The following PAK2 variants were observed in gnomAD, a reference collection of about 807,000 sequenced individuals.
PAK2 encodes the protein p21 (RAC1) activated kinase 2, also known as serine/threonine-protein kinase PAK 2.
A neutral mutation model predicts 65.9 loss-of-function variants in PAK2; 21 were observed. The observed-to-expected ratio is 0.32, with a 90% CI of 0.23 to 0.46. PAK2 has a LOEUF of 0.46. PAK2 is among the 20% of genes least tolerant of loss of function. PAK2 has a pLI of 1.00. For missense variants in PAK2, 324 were observed against 642.6 expected (o/e 0.50, Z 5.36); for synonymous variants, 204 against 219.7 (o/e 0.93, Z 0.63).
intron 1 of PAK2, among the ~76,000 whole-genome samples, chr3:196,780,039 C>A (rs917225378): frequency 2.6e-5 from 4 of 152,196 alleles, no homozygotes; most frequent in Admixed American, 2.0e-4. Context: ...CTGGTAGTAG[C>A]CCATACTTAG....
At chr3:196,751,667 T>TATATGTATATATATATATATATATATATA (rs1560089766) in intron 1 of PAK2, among the ~76,000 whole-genome samples, 1 of 45,108 alleles carries the variant, frequency 2.2e-5, no homozygotes, top group African/African-American at 1.0e-4. Context: ...ACAAATTTAT[T>TATATGTATATATATATATATATATATATA]TATATACATA....
intron 1 of PAK2, among the ~76,000 whole-genome samples, chr3:196,780,784 T>A (rs1714681834): frequency 6.6e-6 from 1 of 152,174 alleles, no homozygotes; most frequent in Non-Finnish European, 1.5e-5. Flanking sequence ...CAAATTTTTT[T>A]ATTTTATTTT....
intron 1 of PAK2, among the ~76,000 whole-genome samples, chr3:196,742,294 GT>G (rs60087238): frequency 0.019 from 2,829 of 152,144 alleles, 76 homozygotes; most frequent in African/African-American, 0.063. Context: ...CACCGTGTTG[GT>G]TAGGCTGGTC....
At chr3:196,750,289 C>T (rs1162222998) in intron 1 of PAK2, among the ~76,000 whole-genome samples, 1 of 152,104 alleles carries the variant, frequency 6.6e-6, no homozygotes, top group Admixed American at 6.5e-5. Context: ...CGTGCCTGGC[C>T]TATACCTGGC....
intron 1 of PAK2, among the ~76,000 whole-genome samples, chr3:196,770,348 A>G (rs929338327): frequency 6.6e-6 from 1 of 151,838 alleles, no homozygotes; most frequent in Non-Finnish European, 1.5e-5. Flanking sequence ...TATTAATAAT[A>G]TATATCAGAA....
intron 13 of PAK2, among the ~76,000 whole-genome samples, chr3:196,826,176 G>A (rs550692967): frequency 1.4e-4 from 21 of 149,892 alleles, no homozygotes; most frequent in Non-Finnish European, 2.1e-4. Context: ...TTGTTTGTTT[G>A]TTTGTTTATT....
chr3:196,815,873 A>G (rs574311999), intron 11 of PAK2, among the ~76,000 whole-genome samples: 147 of 152,210 alleles, frequency 9.7e-4, no homozygotes, highest in African/African-American at 3.4e-3. Flanking sequence ...TGCCTTCAGT[A>G]TCAATAAGTC....
chr3:196,759,538 G>T (rs1365637101), intron 1 of PAK2, among the ~76,000 whole-genome samples: 5 of 43,320 alleles, frequency 1.2e-4, no homozygotes, highest in South Asian at 1.8e-3. Context: ...TTTTTTTTTT[G>T]AGATAGAGTC....
At position 196,803,500 on chromosome 3, in the gene PAK2, C is replaced by T. The variant is rs144139777; in HGVS notation, c.436+336C>T. On this transcript the variant is annotated intron_variant, in intron 4 of 14. Transcript: ENST00000327134. ...GACTTCCAGCAATCAAAGGAAAAGA[C>T]GCTGGTTGATAGACATGTTCATACT... is the stretch of plus-strand genomic sequence containing the variant. 2.1e-3 allele frequency among the ~76,000 whole-genome samples: 320 copies of T among 152,162 alleles called. 1 individual carries two copies. Among genetic ancestry groups the T allele is most frequent in the African/African-American group, 7.1e-3 (294 of 41,520 alleles).
In PAK2 at chr3:196,806,667, G is replaced by T; in HGVS notation, c.557G>T (p.Arg186Leu). ...ACTGCTCCTCCCGTTATTGCCCCGC[G>T]ACCGGATCATACGAAATCAGTGAGT... ...EETAPPVIAP[R>L]PDHTKSIYTR... Residue 186 changes from arginine (R) to leucine (L), a missense_variant, in exon 6 of 15, where the codon CGA (arginine) becomes CTA (leucine). Transcript: ENST00000327134. 1 of 1,605,642 alleles carries T rather than the reference G, an allele frequency of 6.2e-7. No individual in the cohort carries two copies. The highest frequency in any genetic ancestry group is 1.1e-5 in the South Asian group (1 of 90,886).
At chr3:196,755,431 G>A (rs1200123918) in intron 1 of PAK2, among the ~76,000 whole-genome samples, 2 of 149,722 alleles carry the variant, frequency 1.3e-5, no homozygotes, top group Non-Finnish European at 3.0e-5. Flanking sequence ...CTAGACTTCA[G>A]AGTGTTTACG....
chr3:196,776,913 T>C lies in PAK2; in HGVS notation c.-21-5713T>C, dbSNP rs115223412. 4.0e-3 allele frequency among the ~76,000 whole-genome samples: 613 copies of C among 152,320 alleles called. 6 individuals carry two copies. The highest frequency in any genetic ancestry group is 0.014 in the African/African-American group (597 of 41,576). ...AAAATCCACAATTATGTGAAAGCTG[T>C]TAAAATGCTCCTCCGTTTTCAGGTG... On this transcript the variant is annotated intron_variant, in intron 1 of 14. Coordinates refer to ENST00000327134, the MANE Select transcript of PAK2 (RefSeq NM_002577.4).
At chr3:196,804,437 A>G (rs961814477) in intron 4 of PAK2, among the ~76,000 whole-genome samples, 18 of 151,740 alleles carry the variant, frequency 1.2e-4, no homozygotes, top group Non-Finnish European at 2.5e-4. Context: ...ACATACATAC[A>G]TATATGTGTG....
At chr3:196,773,910 C>T (rs895578955) in intron 1 of PAK2, among the ~76,000 whole-genome samples, 18 of 151,598 alleles carry the variant, frequency 1.2e-4, no homozygotes, top group African/African-American at 3.9e-4. Flanking sequence ...GGCGTGGTGG[C>T]GCACTCCTGT....
At chr3:196,810,474 A>T (rs2108763147) in intron 7 of PAK2, 116 bp from the exon 8 acceptor site, 1 of 698,386 alleles carries the variant, frequency 1.4e-6, no homozygotes. Context: ...GGAACTTAGT[A>T]TTATGTTTGA....
intron 2 of PAK2, among the ~76,000 whole-genome samples, chr3:196,799,146 T>C (rs1207790426): frequency 2.0e-5 from 3 of 152,228 alleles, no homozygotes; most frequent in African/African-American, 7.2e-5. Context: ...TGAATTTTTG[T>C]AGCAAAATTG....
chr3:196,805,228 AAG>A, intron 4 of PAK2, 122 bp from the exon 5 acceptor site: 1 of 598,132 alleles, frequency 1.7e-6, no homozygotes, highest in Non-Finnish European at 2.9e-6. Context: ...CATTTTTCTC[AAG>A]AGTTAATTCA....
At chr3:196,778,649 A>G (rs749211192) in intron 1 of PAK2, among the ~76,000 whole-genome samples, 3 of 152,152 alleles carry the variant, frequency 2.0e-5, no homozygotes, top group Non-Finnish European at 2.9e-5. Flanking sequence ...AAATTCTAGG[A>G]TTTATTTGGA....
chr3:196,780,917 T>C (rs2108738438), intron 1 of PAK2, among the ~76,000 whole-genome samples: 1 of 152,278 alleles, frequency 6.6e-6, no homozygotes, highest in South Asian at 2.1e-4. Context: ...GCCTCCCAGG[T>C]AGCTGGGACT....
Sources: allele counts gnomAD v4.1 joint callset (sites outside exome capture counted in the v4.1 genomes callset), GRCh38; gene constraint gnomAD v4.1.1; transcripts MANE v1.5; gene names NCBI Gene and HGNC (gene_info 2026-07-23, HGNC 2026-07-21).